Variants in CDH4 observed in about 807,000 individuals in gnomAD.
CDH4 encodes the protein cadherin-4.
In CDH4, 33 loss-of-function variants were observed where a neutral mutation model predicts 86.0. That is an observed-to-expected ratio of 0.38 (90% confidence interval 0.29 to 0.51). The LOEUF (loss-of-function observed/expected upper bound fraction) is 0.51. CDH4 is among the 20% of genes least tolerant of loss of function. The pLI is 0.86. For missense variants in CDH4, 1,114 were observed against 1,307.4 expected, an observed-to-expected ratio of 0.85 and a Z score of 2.28; for synonymous variants, 555 against 549.4, an observed-to-expected ratio of 1.01 and a Z score of -0.14.
intron 2 of CDH4, among the ~76,000 whole-genome samples, chr20:61,294,803 C>T (rs1378868987): frequency 6.6e-6 from 1 of 152,230 alleles, no homozygotes; most frequent in Non-Finnish European, 1.5e-5. Flanking sequence ...AGGACAGGCA[C>T]CAGGCTGGAC....
intron 10 of CDH4, among the ~76,000 whole-genome samples, chr20:61,923,913 G>A (rs1000802186): frequency 6.6e-6 from 1 of 152,198 alleles, no homozygotes; most frequent in Non-Finnish European, 1.5e-5. Flanking sequence ...CGTGAGTGTT[G>A]TGACCGGTGC....
intron 2 of CDH4, among the ~76,000 whole-genome samples, chr20:61,729,002 G>A (rs2088146342): frequency 6.6e-6 from 1 of 152,166 alleles, no homozygotes; most frequent in African/African-American, 2.4e-5. Flanking sequence ...CAGCAGCGGT[G>A]CCCCGATGTC....
chr20:61,920,275 CATG>C (rs1431409803), intron 9 of CDH4, among the ~76,000 whole-genome samples: 5 of 64,408 alleles, frequency 7.8e-5, no homozygotes, highest in African/African-American at 3.2e-4. Flanking sequence ...GGAAGCGTGT[CATG>C]ATTGTGTGGA....
intron 2 of CDH4, among the ~76,000 whole-genome samples, chr20:61,629,400 A>T (rs2145785719): frequency 6.6e-6 from 1 of 152,320 alleles, no homozygotes; most frequent in Admixed American, 6.5e-5. Flanking sequence ...AATAAAAAAA[A>T]AAATAATTAA....
chr20:61,621,870 C>T (rs1306490028), intron 2 of CDH4, among the ~76,000 whole-genome samples: 1 of 152,186 alleles, frequency 6.6e-6, no homozygotes, highest in East Asian at 1.9e-4. Flanking sequence ...CTCTGAAGAT[C>T]CCTAATATAC....
At chr20:61,624,720 C>T (rs2086812972) in intron 2 of CDH4, among the ~76,000 whole-genome samples, 1 of 152,218 alleles carries the variant, frequency 6.6e-6, no homozygotes, top group Admixed American at 6.5e-5. Flanking sequence ...GTGGTGAATT[C>T]TCTGTTGAGG....
intron 2 of CDH4, among the ~76,000 whole-genome samples, chr20:61,540,655 C>T (rs766923842): frequency 3.3e-5 from 5 of 152,088 alleles, no homozygotes; most frequent in Admixed American, 6.5e-5. Flanking sequence ...GGAGTGGTGA[C>T]GATTCAAAAT....
intron 2 of CDH4, among the ~76,000 whole-genome samples, chr20:61,713,922 T>C (rs1036416988): frequency 1.3e-5 from 2 of 152,204 alleles, no homozygotes; most frequent in African/African-American, 4.8e-5. Flanking sequence ...TGCAGTGGGC[T>C]GATCAGATGT....
intron 2 of CDH4, among the ~76,000 whole-genome samples, chr20:61,387,738 A>C (rs6121686): frequency 0.25 from 37,449 of 152,050 alleles, 4,998 homozygotes; most frequent in African/African-American, 0.34. Flanking sequence ...GCAAGCCTCT[A>C]TTTTATAAAT....
intron 2 of CDH4, among the ~76,000 whole-genome samples, chr20:61,275,384 T>C (rs1450603547): frequency 2.3e-4 from 16 of 70,754 alleles, no homozygotes; most frequent in East Asian, 5.2e-4. Context: ...GGGGGAGTAC[T>C]GTGTGCAGTT....
intron 4 of CDH4, among the ~76,000 whole-genome samples, chr20:61,786,166 A>G (rs1400578888): frequency 6.6e-6 from 1 of 152,128 alleles, no homozygotes; most frequent in Non-Finnish European, 1.5e-5. Context: ...CCCCCCGTTC[A>G]AACAGCGTCT....
chr20:61,874,297 G>A (rs1030770733), intron 7 of CDH4, among the ~76,000 whole-genome samples: 1 of 152,092 alleles, frequency 6.6e-6, no homozygotes, highest in Non-Finnish European at 1.5e-5. Flanking sequence ...CACCTCCAAG[G>A]AGACCCACCC....
intron 2 of CDH4, among the ~76,000 whole-genome samples, chr20:61,664,488 A>ATGCAGCAGCC (rs1413540465): frequency 6.6e-6 from 1 of 152,172 alleles, no homozygotes; most frequent in Non-Finnish European, 1.5e-5. Context: ...ATCTCCGAAA[A>ATGCAGCAGCC]TGCAGCAGCC....
intron 2 of CDH4, among the ~76,000 whole-genome samples, chr20:61,483,630 T>C (rs13433213): frequency 0.058 from 8,790 of 151,602 alleles, 916 homozygotes; most frequent in African/African-American, 0.2. Context: ...AGCCTGAGAC[T>C]GGGATGAGAA....
At position 61,476,851 on chromosome 20, in the gene CDH4, G is replaced by T. The variant is rs144277717; in HGVS notation, c.169+221914G>T. 5.3e-5 allele frequency among the ~76,000 whole-genome samples: 8 copies of T among 152,342 alleles called. No individual in the cohort carries two copies. In the East Asian group the frequency reaches 1.5e-3, roughly 29 times the overall value. On this transcript the variant is annotated intron_variant, in intron 2 of 15. Transcript: ENST00000614565. The stretch of plus-strand genomic sequence containing the variant: ...ACAGGCTGCTCCATGGTCTGTCTGG[G>T]CCACTGAGGTGGGATGTGTCCAAGT...
intron 7 of CDH4, among the ~76,000 whole-genome samples, chr20:61,880,655 A>G (rs963396671): frequency 1.3e-5 from 2 of 152,060 alleles, no homozygotes; most frequent in South Asian, 2.1e-4. Context: ...CCAGCAGGTC[A>G]CCCCCAGGAC....
At chr20:61,861,522 G>A (rs1378066395) in intron 6 of CDH4, among the ~76,000 whole-genome samples, 1 of 152,064 alleles carries the variant, frequency 6.6e-6, no homozygotes, top group Non-Finnish European at 1.5e-5. Flanking sequence ...TCTGCAAACC[G>A]CCTCCCCTTC....
chr20:61,525,876 C>T (rs1399341052), intron 2 of CDH4, among the ~76,000 whole-genome samples: 1 of 152,090 alleles, frequency 6.6e-6, no homozygotes, highest in African/African-American at 2.4e-5. Context: ...GCTCATAGCC[C>T]AGAGAAAAGC....
chr20:61,821,051 C>A (rs1186989677), intron 4 of CDH4, among the ~76,000 whole-genome samples: 1 of 151,036 alleles, frequency 6.6e-6, no homozygotes, highest in Admixed American at 6.6e-5. Flanking sequence ...AAAGCTTTCA[C>A]CCCCTGCCAG....
Sources: gnomAD v4.1 joint callset for allele counts (sites outside exome capture counted in the v4.1 genomes callset) on GRCh38, gnomAD v4.1.1 for gene constraint, MANE v1.5 for transcripts, NCBI Gene and HGNC (gene_info 2026-07-23, HGNC 2026-07-21) for gene names.